The following RBP7 variants were observed in gnomAD, a reference collection of about 807,000 sequenced individuals.
The protein encoded by RBP7 is retinoid-binding protein 7.
RBP7 carries 13 observed loss-of-function variants against 16.7 expected under a neutral mutation model. That is an observed-to-expected ratio of 0.78 (90% CI 0.51 to 1.24). The LOEUF is 1.24. RBP7 is among the 50% of genes most tolerant of loss of function. The probability of loss-of-function intolerance (pLI) is 0.00; values close to 1 mark genes in which losing one functional copy is unlikely to be tolerated. For synonymous variants in RBP7, 54 were observed against 56.2 expected, an observed-to-expected ratio of 0.96 and a Z score of 0.17; for missense variants, 145 against 159.5, an observed-to-expected ratio of 0.91 and a Z score of 0.49.
intron 1 of RBP7, among the ~76,000 whole-genome samples, chr1:10,001,367 G>A (rs187525191): frequency 1.7e-4 from 26 of 152,250 alleles, no homozygotes; most frequent in Admixed American, 1.7e-3. Context: ...GTGCAGTGGT[G>A]CGATCATGGC....
chr1:10,003,040 A>G (rs3003378), intron 1 of RBP7, among the ~76,000 whole-genome samples: 53,916 of 152,050 alleles, frequency 0.35, 14,435 homozygotes, highest in African/African-American at 0.75. Context: ...TCAGTTTACC[A>G]TTGCCATGGC....
intron 1 of RBP7, among the ~76,000 whole-genome samples, chr1:9,998,441 TC>T (rs1455974791): frequency 1.4e-5 from 2 of 140,994 alleles, no homozygotes; most frequent in Admixed American, 7.5e-5. Context: ...GGAGTCTCGC[TC>T]TGTTGCCCAG....
At position 9,999,992 on chromosome 1, in the gene RBP7, T is replaced by G. The variant is rs551228282; in HGVS notation, c.73+2661T>G. Among the ~76,000 whole-genome samples, 4 of 151,342 alleles carry G rather than the reference T, an allele frequency of 2.6e-5. No homozygotes were observed. In the East Asian group the frequency reaches 7.8e-4, roughly 30 times the overall value. On this transcript the variant is annotated intron_variant, in intron 1 of 3. Coordinates refer to ENST00000294435, the MANE Select transcript of RBP7 (RefSeq NM_052960.3). ...CACCTGTAATCCCAGCACTTTGGGATGCTGAGGCAGGTGGATCATGAGGTC... is the reference window on the plus strand; with the variant it reads ...CACCTGTAATCCCAGCACTTTGGGAGGCTGAGGCAGGTGGATCATGAGGTC...
Position 10,007,741 on chromosome 1 carries a change from A to T in RBP7, c.245A>T (p.Lys82Ile). 1 of 1,610,946 alleles carries T rather than the reference A, an allele frequency of 6.2e-7. No homozygotes were observed. The highest frequency in any genetic ancestry group is 8.5e-7 in the Non-Finnish European group (1 of 1,179,186). ...GATAACAGAGGCCTGGACAACAGAA[A>T]ATGCAAGGTAAAATGTAAAGAAATG... ...DEDNRGLDNRKCKSLVIWDND... is the reference protein window; with the variant it reads ...DEDNRGLDNRICKSLVIWDND... The change falls in exon 2 of 4, where the codon AAA (lysine) becomes ATA (isoleucine). Residue 82 changes from lysine to isoleucine, a missense_variant. Transcript: ENST00000294435.
intron 1 of RBP7, among the ~76,000 whole-genome samples, chr1:10,006,778 G>T (rs1163348581): frequency 2.0e-5 from 3 of 150,394 alleles, no homozygotes; most frequent in African/African-American, 7.4e-5. Context: ...GAGAGAGAGA[G>T]AGAGAGGTAT....
Position 10,007,774 on chromosome 1 carries a change from C to T in RBP7, c.252+26C>T, listed in dbSNP as rs376895005. The T allele has an allele frequency of 6.5e-5, 104 of 1,603,286 alleles. No individual in the cohort carries two copies. The Admixed American group carries it at 8.0e-4, about 12-fold the overall frequency. On this transcript the variant is annotated intron_variant, in intron 2 of 3. Coordinates refer to ENST00000294435, the MANE Select transcript of RBP7 (RefSeq NM_052960.3). ...GTAAAATGTAAAGAAATGCCAGGTGCGGTGGATTACGCTTGTAATCCTAAC... is the reference window on the plus strand; with the variant it reads ...GTAAAATGTAAAGAAATGCCAGGTGTGGTGGATTACGCTTGTAATCCTAAC...
intron 3 of RBP7, among the ~76,000 whole-genome samples, chr1:10,010,568 C>A (rs2101738259): frequency 6.6e-6 from 1 of 151,936 alleles, no homozygotes; most frequent in East Asian, 1.9e-4. Context: ...AGGCACCCGC[C>A]ACCATGCCCA....
intron 1 of RBP7, among the ~76,000 whole-genome samples, chr1:10,006,764 T>TATATAGAG (rs1325127839): frequency 8.5e-5 from 12 of 141,530 alleles, no homozygotes; most frequent in African/African-American, 3.3e-4. Flanking sequence ...TATATATATA[T>TATATAGAG]AGAGAGAGAG....
chr1:9,997,332 G>A lies in RBP7; in HGVS notation c.73+1G>A, dbSNP rs1642192347. 4.3e-6 allele frequency: 7 copies of A among 1,610,604 alleles called. No homozygotes were observed. The highest frequency in any genetic ancestry group is 2.2e-5 in the East Asian group (1 of 44,712). On this transcript the variant is annotated splice_donor_variant, in intron 1 of 3. Coordinates refer to ENST00000294435, the MANE Select transcript of RBP7 (RefSeq NM_052960.3). LOFTEE classifies it high-confidence loss of function. The surrounding 1 kb of genome is among the most constrained non-coding windows in gnomAD (Gnocchi z 5.9). ...TTCGAGGGCTACATGCTGGCCCTAG[G>A]TAAGGCGGAGGGGAGGCGGCGGCGG...
intron 1 of RBP7, among the ~76,000 whole-genome samples, chr1:10,003,108 A>C: frequency 6.6e-6 from 1 of 152,038 alleles, no homozygotes; most frequent in Admixed American, 6.6e-5. Flanking sequence ...AAAAGTTACT[A>C]CCCCTTCCCT....
At chr1:10,007,911 G>A (rs115013150) in intron 2 of RBP7, among the ~76,000 whole-genome samples, 163 bp downstream of exon 2, 2,045 of 152,030 alleles carry the variant, frequency 0.013, 70 homozygotes, top group African/African-American at 0.045. Context: ...GTAGGGGGGC[G>A]TGCTGGCAGG....
chr1:10,000,898 G>A (rs1293482132), intron 1 of RBP7, among the ~76,000 whole-genome samples: 1 of 151,948 alleles, frequency 6.6e-6, no homozygotes, highest in Non-Finnish European at 1.5e-5. Context: ...ACCTCTCCTG[G>A]CTAATTTTTG....
chr1:10,001,735 C>A (rs531217699), intron 1 of RBP7, among the ~76,000 whole-genome samples: 3 of 152,168 alleles, frequency 2.0e-5, no homozygotes, highest in African/African-American at 4.8e-5. Context: ...TGTTATGAAC[C>A]CAAGAAGGTG....
intron 2 of RBP7, 27 bp downstream of exon 2, chr1:10,007,775 G>A (rs766737850): frequency 2.4e-5 from 39 of 1,604,016 alleles, no homozygotes; most frequent in African/African-American, 5.4e-5. Context: ...TGCCAGGTGC[G>A]GTGGATTACG....
At chr1:10,014,390 CTTTTTTT>C (rs796691409) in intron 3 of RBP7, among the ~76,000 whole-genome samples, 2 of 142,102 alleles carry the variant, frequency 1.4e-5, no homozygotes, top group African/African-American at 5.2e-5. Context: ...TTTCTTTTTT[CTTTTTTT>C]TTTTTTGAGA....
intron 1 of RBP7, among the ~76,000 whole-genome samples, chr1:10,006,625 G>A (rs563653425): frequency 5.3e-4 from 81 of 151,892 alleles, no homozygotes; most frequent in African/African-American, 1.9e-3. Context: ...ACCCGGGAGT[G>A]GAGGTTGCAG....
intron 1 of RBP7, among the ~76,000 whole-genome samples, chr1:9,998,134 G>A (rs1446375707): frequency 6.6e-6 from 1 of 152,150 alleles, no homozygotes. Context: ...GATTACACGC[G>A]TGCGCCAGCC....
intron 1 of RBP7, among the ~76,000 whole-genome samples, chr1:10,004,655 C>T (rs1462104637): frequency 1.3e-5 from 2 of 152,178 alleles, no homozygotes; most frequent in Non-Finnish European, 2.9e-5. Flanking sequence ...CAACCGTGCC[C>T]GGCGCCTCAC....
chr1:10,001,583 G>C (rs1341421805), intron 1 of RBP7, among the ~76,000 whole-genome samples: 2 of 151,818 alleles, frequency 1.3e-5, no homozygotes, highest in African/African-American at 2.4e-5. Context: ...TTTAATATTT[G>C]GAGCTAACCT....
Sources: gnomAD v4.1 joint callset for allele counts (sites outside exome capture counted in the v4.1 genomes callset) on GRCh38, gnomAD v4.1.1 for gene constraint, Gnocchi (gnomAD v3.1) non-coding constraint, MANE v1.5 for transcripts, NCBI Gene and HGNC (gene_info 2026-07-23, HGNC 2026-07-21) for gene names.